Variants in CLSTN1 observed in about 807,000 individuals in gnomAD.
The protein encoded by CLSTN1 is calsyntenin-1.
A neutral mutation model predicts 108.3 loss-of-function variants in CLSTN1; 28 were observed. The observed-to-expected ratio is 0.26, with a 90% CI of 0.19 to 0.35. The LOEUF is 0.35. CLSTN1 is among the 10% of genes least tolerant of loss of function. CLSTN1 has a pLI of 1.00. For synonymous variants in CLSTN1, 524 were observed against 534.9 expected (o/e 0.98, Z 0.28); for missense variants, 1,157 against 1,302.6 (o/e 0.89, Z 1.72).
chr1:9,750,938 AC>A (rs1179581829), intron 5 of CLSTN1, among the ~76,000 whole-genome samples: 1 of 151,680 alleles, frequency 6.6e-6, no homozygotes, highest in Non-Finnish European at 1.5e-5. Context: ...GGTGGTGGGC[AC>A]CTGTAATCCC....
At chr1:9,745,246 A>C (rs899910428) in intron 7 of CLSTN1, among the ~76,000 whole-genome samples, 8 of 143,876 alleles carry the variant, frequency 5.6e-5, no homozygotes, top group African/African-American at 1.8e-4. Context: ...AAAAAAAAAA[A>C]CAAAAAGGAA....
chr1:9,800,091 G>A (rs1654190243), intron 1 of CLSTN1, among the ~76,000 whole-genome samples: 1 of 152,052 alleles, frequency 6.6e-6, no homozygotes, highest in African/African-American at 2.4e-5. Context: ...GTGCTTAGTG[G>A]AAAACTTAAG....
At chr1:9,736,642 C>T (rs1650705354) in intron 11 of CLSTN1, among the ~76,000 whole-genome samples, 1 of 152,106 alleles carries the variant, frequency 6.6e-6, no homozygotes, top group Admixed American at 6.6e-5. Context: ...TGACAGATGA[C>T]AACAAAGAGC....
chr1:9,772,473 G>T (rs557772882), intron 2 of CLSTN1, among the ~76,000 whole-genome samples: 1 of 152,102 alleles, frequency 6.6e-6, no homozygotes, highest in South Asian at 2.1e-4. Context: ...GCCCAGCCGT[G>T]CAGGAGAAGA....
chr1:9,765,535 A>G (rs1393468484), intron 2 of CLSTN1, among the ~76,000 whole-genome samples: 2 of 151,648 alleles, frequency 1.3e-5, no homozygotes, highest in East Asian at 3.9e-4. Context: ...TACAAAAATT[A>G]GCCGAAATCA....
chr1:9,745,772 T>TG (rs1651238176), intron 7 of CLSTN1, among the ~76,000 whole-genome samples: 1 of 144,532 alleles, frequency 6.9e-6, no homozygotes, highest in Non-Finnish European at 1.5e-5. Context: ...GTTGTTTTTT[T>TG]TTTTTTTTTT....
chr1:9,798,115 A>G (rs2101256537), intron 1 of CLSTN1, among the ~76,000 whole-genome samples: 1 of 123,102 alleles, frequency 8.1e-6, no homozygotes, highest in East Asian at 2.8e-4. Context: ...AGAGAGAGGG[A>G]GAGAGGGAGA....
At chr1:9,753,831 G>A (rs1173641655) in intron 4 of CLSTN1, among the ~76,000 whole-genome samples, 1 of 150,980 alleles carries the variant, frequency 6.6e-6, no homozygotes, top group Non-Finnish European at 1.5e-5. Flanking sequence ...TTGTTTTTTA[G>A]GGACAGGGTC....
chr1:9,801,956 A>G (rs1654290969), intron 1 of CLSTN1, among the ~76,000 whole-genome samples: 1 of 152,192 alleles, frequency 6.6e-6, no homozygotes, highest in African/African-American at 2.4e-5. Flanking sequence ...CAACAAAGCA[A>G]GCAAAAAAAC....
At chr1:9,800,908 C>T (rs1477545208) in intron 1 of CLSTN1, among the ~76,000 whole-genome samples, 1 of 151,704 alleles carries the variant, frequency 6.6e-6, no homozygotes. Flanking sequence ...CATTGCACTC[C>T]AGCCTAGACA....
intron 1 of CLSTN1, among the ~76,000 whole-genome samples, chr1:9,773,651 G>A (rs546311902): frequency 1.5e-4 from 23 of 151,706 alleles, no homozygotes; most frequent in African/African-American, 5.1e-4. Flanking sequence ...TAGAAATCAA[G>A]GGAAAAAAAA....
chr1:9,766,465 C>G (rs1652339514), intron 2 of CLSTN1, among the ~76,000 whole-genome samples: 1 of 152,186 alleles, frequency 6.6e-6, no homozygotes, highest in Admixed American at 6.5e-5. Context: ...CGAGACCAGC[C>G]TGGCCAACAT....
In CLSTN1 at chr1:9,796,298, A is replaced by C. The variant is rs545622871; in HGVS notation, c.92-22904T>G. 2.0e-5 allele frequency among the ~76,000 whole-genome samples: 3 copies of C among 149,300 alleles called. No homozygotes were observed. In the South Asian group the frequency reaches 6.7e-4, roughly 33 times the overall value. On this transcript the variant is annotated intron_variant, in intron 1 of 18. Transcript: ENST00000377298. ...AAAAACAAAAAACAAAACAAAACAA[A>C]AAAAAAAAAACAGGCATTTGACCTG...
chr1:9,730,922 T>C lies in CLSTN1; in HGVS notation c.2749-217A>G, dbSNP rs1650346205. ...CGGAGTCACCCACATACAAAGCAGC[T>C]TGGGACAGCACCTCAGCTGCCCCAC... is the stretch of plus-strand genomic sequence containing the variant. On this transcript the variant is annotated intron_variant, in intron 18 of 18. Coordinates refer to ENST00000377298, the MANE Select transcript of CLSTN1 (RefSeq NM_001009566.3). This position sits in a 1 kb window ranked among gnomAD's most constrained non-coding sequence, Gnocchi z 5.6. 6.6e-6 allele frequency among the ~76,000 whole-genome samples: 1 copy of C among 152,136 alleles called. No homozygotes were observed. Among genetic ancestry groups the C allele is most frequent in the African/African-American group, 2.4e-5 (1 of 41,440 alleles).
At chr1:9,802,930 T>C (rs939486867) in intron 1 of CLSTN1, among the ~76,000 whole-genome samples, 1 of 150,036 alleles carries the variant, frequency 6.7e-6, no homozygotes, top group Non-Finnish European at 1.5e-5. Flanking sequence ...GCTCAAATGA[T>C]CCTCCCACCT....
At chr1:9,740,495 C>T (rs1360684555) in intron 10 of CLSTN1, among the ~76,000 whole-genome samples, 2 of 152,192 alleles carry the variant, frequency 1.3e-5, no homozygotes, top group Non-Finnish European at 2.9e-5. Context: ...GGTGAGACAA[C>T]GTGTATAAAG....
intron 10 of CLSTN1, among the ~76,000 whole-genome samples, chr1:9,738,652 GTTTT>G (rs929567852): frequency 6.6e-6 from 1 of 152,146 alleles, no homozygotes; most frequent in Non-Finnish European, 1.5e-5. Context: ...AATCTGTGGG[GTTTT>G]TTTGTTTGTT....
At chr1:9,762,500 G>A (rs1347746063) in intron 2 of CLSTN1, among the ~76,000 whole-genome samples, 1 of 143,086 alleles carries the variant, frequency 7.0e-6, no homozygotes, top group African/African-American at 3.0e-5. Flanking sequence ...TTGCCAAGCA[G>A]CGACTATCCA....
rs955280596 is a variant in CLSTN1, at chr1:9,779,036, A to AG, written c.92-5643_92-5642insC. On this transcript the variant is annotated intron_variant, in intron 1 of 18. Transcript: ENST00000377298. ...GAGACTTCGTCTCAAAAAAAAAAAA[A>AG]AAGAAGAAGAAGAAGAAGAAGGCTG... is the stretch of plus-strand genomic sequence containing the variant. Among the ~76,000 whole-genome samples, 25 of 151,336 alleles carry AG rather than the reference A, an allele frequency of 1.7e-4. No individual in the cohort carries two copies. The East Asian group carries it at 3.1e-3, about 19-fold the overall frequency.
Sources: gnomAD v4.1 joint callset for allele counts (sites outside exome capture counted in the v4.1 genomes callset) on GRCh38, gnomAD v4.1.1 for gene constraint, Gnocchi (gnomAD v3.1) non-coding constraint, MANE v1.5 for transcripts, NCBI Gene and HGNC (gene_info 2026-07-23, HGNC 2026-07-21) for gene names.